The following MAP4 variants were observed in gnomAD, a reference collection of about 807,000 sequenced individuals.
The protein encoded by MAP4 is microtubule-associated protein 4.
A neutral mutation model predicts 170.2 loss-of-function variants in MAP4; 76 were observed. The observed-to-expected ratio is 0.45, with a 90% CI of 0.37 to 0.54. The LOEUF (loss-of-function observed/expected upper bound fraction) is 0.54, where lower values mean the gene tolerates loss of function less well. MAP4 is among the 20% of genes least tolerant of loss of function. MAP4 has a pLI of 0.00. For synonymous variants in MAP4, 909 were observed against 994.5 expected (o/e 0.91, Z 1.62); for missense variants, 2,506 against 2,748.0 (o/e 0.91, Z 1.97).
In MAP4 at chr3:47,851,202, G is replaced by A. The variant is rs1267164216; in HGVS notation, c.*1732C>T. ...GAAGTGTTCTGCACATGGTCTCTAC[G>A]GAGGAAAGCTGGTCCCCCTGGCCCA... On this transcript the variant is annotated 3_prime_UTR_variant, in exon 21 of 21. Transcript: ENST00000683076. 2 of 152,326 alleles carry A rather than the reference G, an allele frequency of 1.3e-5. No individual in the cohort carries two copies. The highest frequency in any genetic ancestry group is 2.9e-5 in the Non-Finnish European group (2 of 68,052). 9.4% of individuals were successfully genotyped at this position (152,326 alleles called of 1,614,324 possible).
intron 1 of MAP4, among the ~76,000 whole-genome samples, chr3:48,049,997 T>C (rs749187529): frequency 6.6e-6 from 1 of 151,244 alleles, no homozygotes; most frequent in Non-Finnish European, 1.5e-5. Flanking sequence ...CAGTGGCCCA[T>C]ACCTGTAATC....
chr3:47,978,382 A>G lies in MAP4; in HGVS notation c.224-449T>C, dbSNP rs772748110. On this transcript the variant is annotated intron_variant, in intron 2 of 20. Coordinates refer to ENST00000683076, the MANE Select transcript of MAP4 (RefSeq NM_001385682.1). ...ACCCAGACTGGAGTGCCATGGTGCA[A>G]CCTCGGCTCACTGCAACCTCCGCCT... Among the ~76,000 whole-genome samples, 59 of 152,096 alleles carry G rather than the reference A, an allele frequency of 3.9e-4. No homozygotes were observed. In the Middle Eastern group the frequency reaches 0.027, roughly 70 times the overall value.
intron 4 of MAP4, 136 bp downstream of exon 4, chr3:47,928,092 A>G: frequency 9.9e-7 from 1 of 1,012,576 alleles, no homozygotes; most frequent in Non-Finnish European, 1.4e-6. Flanking sequence ...AAGAAGAGAA[A>G]GGGACAAACC....
intron 2 of MAP4, among the ~76,000 whole-genome samples, chr3:47,986,352 A>AT (rs1024124414): frequency 2.1e-4 from 31 of 150,286 alleles, no homozygotes; most frequent in Non-Finnish European, 2.2e-4. Context: ...GTTTTTTTGT[A>AT]TTTTTTTTGA....
intron 19 of MAP4, among the ~76,000 whole-genome samples, chr3:47,854,928 C>T (rs1006764200): frequency 1.3e-4 from 20 of 152,216 alleles, no homozygotes; most frequent in Non-Finnish European, 2.2e-4. Context: ...GCAGAACCCC[C>T]GCTCGCCTGG....
At chr3:47,866,016 T>G (rs760168122) in intron 17 of MAP4, among the ~76,000 whole-genome samples, 1 of 152,038 alleles carries the variant, frequency 6.6e-6, no homozygotes, top group African/African-American at 2.4e-5. Context: ...GAAGGATGTT[T>G]GGGTGGAAGA....
chr3:47,910,615 TC>T lies in MAP4; in HGVS notation c.3805del (p.Asp1269IlefsTer38). 6.5e-7 allele frequency: 1 copy of T among 1,536,128 alleles called. No homozygotes were observed. Among genetic ancestry groups the T allele is most frequent in the Non-Finnish European group, 8.7e-7 (1 of 1,146,910 alleles). On this transcript the variant is annotated frameshift_variant, in exon 9 of 21. Transcript: ENST00000683076. LOFTEE classifies it high-confidence loss of function. Reference protein sequence around the residue: ...EIGFTFPKMHDSSFSHTPDTP... With the variant: ...EIGFTFPKMHXSSFSHTPDTP... ...ATCTGGTGTATGTGAGAACGAAGAA[TC>T]ATGCATTTTGGGGAAAGTAAATCCT...
At chr3:47,982,841 T>G (rs28464392) in intron 2 of MAP4, among the ~76,000 whole-genome samples, 14,660 of 152,010 alleles carry the variant, frequency 0.096, 2,381 homozygotes, top group African/African-American at 0.33. Flanking sequence ...GAATAAAGTC[T>G]TAAAAGATCT....
chr3:47,881,446 C>CCA (rs1301165159), intron 10 of MAP4, among the ~76,000 whole-genome samples: 1 of 49,482 alleles, frequency 2.0e-5, no homozygotes, highest in Non-Finnish European at 3.7e-5. Flanking sequence ...GAAAAAACAA[C>CCA]TATATATATA....
At chr3:48,028,607 T>C (rs1190013265) in intron 1 of MAP4, among the ~76,000 whole-genome samples, 1 of 151,240 alleles carries the variant, frequency 6.6e-6, no homozygotes, top group East Asian at 2.0e-4. Flanking sequence ...ACCCCGTCTC[T>C]ACTAAAAATA....
rs1350235319 is a variant in MAP4, at chr3:47,850,871, T to C, written c.*2063A>G. 7.6e-6 allele frequency: 1 copy of C among 131,284 alleles called. No homozygotes were observed. The highest frequency in any genetic ancestry group is 1.6e-5 in the Non-Finnish European group (1 of 63,602). 8.1% of individuals were successfully genotyped at this position (131,284 alleles called of 1,614,324 possible). On this transcript the variant is annotated 3_prime_UTR_variant, in exon 21 of 21. Transcript: ENST00000683076. ...CTCTGGTCCCGGCCTTCTCAGGTGC[T>C]CTGGAGTGGAGGATCCTTTGAGGGA...
At chr3:47,996,320 A>C (rs1052638033) in intron 2 of MAP4, among the ~76,000 whole-genome samples, 3 of 152,200 alleles carry the variant, frequency 2.0e-5, no homozygotes, top group African/African-American at 7.2e-5. Context: ...TACTGTGAAA[A>C]GGATAATAAC....
chr3:47,877,760 A>G, intron 10 of MAP4: 1 of 306,592 alleles, frequency 3.3e-6, no homozygotes, highest in Non-Finnish European at 6.0e-6. Flanking sequence ...TAAGGGACAC[A>G]TGCACAAATG....
chr3:47,925,174 CT>C (rs1479430283), intron 4 of MAP4, among the ~76,000 whole-genome samples: 1 of 152,152 alleles, frequency 6.6e-6, no homozygotes, highest in African/African-American at 2.4e-5. Flanking sequence ...GCCATCTATT[CT>C]ACAATCACAC....
chr3:48,008,082 C>T (rs766671305), intron 1 of MAP4, among the ~76,000 whole-genome samples: 17 of 152,194 alleles, frequency 1.1e-4, no homozygotes, highest in Admixed American at 2.6e-4. Flanking sequence ...TGCTTTCAGA[C>T]CCATCTAGCC....
intron 1 of MAP4, among the ~76,000 whole-genome samples, chr3:48,010,441 G>A (rs1246848830): frequency 1.3e-5 from 2 of 152,090 alleles, no homozygotes; most frequent in Non-Finnish European, 2.9e-5. Flanking sequence ...TTTCATAACA[G>A]CATTTAAGTA....
At chr3:48,077,457 A>G (rs547056001) in intron 1 of MAP4, among the ~76,000 whole-genome samples, 3 of 151,552 alleles carry the variant, frequency 2.0e-5, no homozygotes, top group South Asian at 4.1e-4. Context: ...AAAAAAAAAA[A>G]AAAGAAAGAA....
In MAP4 at chr3:47,851,413, G is replaced by A. The variant is rs1403948204; in HGVS notation, c.*1521C>T. The A allele has an allele frequency of 6.6e-6, 1 of 152,188 alleles. No homozygotes were observed. The highest frequency in any genetic ancestry group is 2.4e-5 in the African/African-American group (1 of 41,430). 9.4% of individuals were successfully genotyped at this position (152,188 alleles called of 1,614,324 possible). A position where few individuals can be genotyped will look rare whatever the true frequency, so the allele number is the denominator to read the frequency against. ...GGTCAAGACCCCTACCTTCTCCAGG[G>A]ATGCCAGGACCAGAGAAGGGCAGAG... is the stretch of plus-strand genomic sequence containing the variant. On this transcript the variant is annotated 3_prime_UTR_variant, in exon 21 of 21. Transcript: ENST00000683076.
At chr3:47,881,385 A>C (rs1268766883) in intron 10 of MAP4, among the ~76,000 whole-genome samples, 1 of 140,922 alleles carries the variant, frequency 7.1e-6, no homozygotes, top group African/African-American at 2.6e-5. Flanking sequence ...CCAGCGAGTC[A>C]AGCCTGCTGT....
Sources: gnomAD v4.1 joint callset for allele counts (sites outside exome capture counted in the v4.1 genomes callset) on GRCh38, gnomAD v4.1.1 for gene constraint, MANE v1.5 for transcripts, NCBI Gene and HGNC (gene_info 2026-07-23, HGNC 2026-07-21) for gene names.